The following CSMD1 variants were observed in gnomAD, a reference collection of about 807,000 sequenced individuals.
CSMD1 encodes the protein CUB and Sushi multiple domains 1, also known as CUB and sushi domain-containing protein 1.
CSMD1 carries 213 observed loss-of-function variants against 417.5 expected under a neutral mutation model. That is an observed-to-expected ratio of 0.51 (90% CI 0.46 to 0.57). The LOEUF is 0.57. CSMD1 is among the 20% of genes least tolerant of loss of function. CSMD1 has a pLI of 0.00. For missense variants in CSMD1, 6,923 were observed against 4,529.7 expected (o/e 1.53, Z -15.17); for synonymous variants, 2,862 against 1,736.8 (o/e 1.65, Z -16.11).
chr8:4,822,129 T>C (rs906177241), intron 1 of CSMD1, among the ~76,000 whole-genome samples: 2 of 152,144 alleles, frequency 1.3e-5, no homozygotes, highest in African/African-American at 4.8e-5. Context: ...TCTTCCCTTT[T>C]TGAAAGTTAA....
At chr8:3,839,675 A>G (rs1802988433) in intron 5 of CSMD1, among the ~76,000 whole-genome samples, 2 of 147,686 alleles carry the variant, frequency 1.4e-5, no homozygotes, top group South Asian at 4.2e-4. Context: ...AAAAGAATCT[A>G]TCTCCTTCAT....
chr8:3,846,503 T>C (rs965155393), intron 5 of CSMD1, among the ~76,000 whole-genome samples: 2 of 152,188 alleles, frequency 1.3e-5, no homozygotes, highest in African/African-American at 4.8e-5. Context: ...CAGATAAGCA[T>C]AGAAAGTATT....
At chr8:4,377,394 T>G (rs1802823443) in intron 3 of CSMD1, among the ~76,000 whole-genome samples, 1 of 152,204 alleles carries the variant, frequency 6.6e-6, no homozygotes, top group Non-Finnish European at 1.5e-5. Flanking sequence ...TCGTTATATC[T>G]AAACTACTTA....
intron 49 of CSMD1, 137 bp downstream of exon 49, chr8:3,086,960 A>G: frequency 3.7e-6 from 3 of 805,544 alleles, no homozygotes; most frequent in Non-Finnish European, 5.8e-6. Context: ...AGAAGGTTTA[A>G]TTCGTACTGT....
chr8:4,663,754 T>TGG (rs1334034424), intron 1 of CSMD1, among the ~76,000 whole-genome samples: 1 of 152,160 alleles, frequency 6.6e-6, no homozygotes, highest in African/African-American at 2.4e-5. Flanking sequence ...AGGTAGTTCT[T>TGG]TAAAGTAACG....
intron 2 of CSMD1, among the ~76,000 whole-genome samples, chr8:4,560,183 G>A (rs1233478180): frequency 6.6e-6 from 1 of 152,196 alleles, no homozygotes; most frequent in South Asian, 2.1e-4. Context: ...CACTTTCTCA[G>A]TTCCATGCTG....
chr8:4,787,563 C>T, intron 1 of CSMD1: 4 of 1,462,306 alleles, frequency 2.7e-6, no homozygotes, highest in Non-Finnish European at 3.8e-6. Context: ...TGTGGGGAGA[C>T]AGCTTTCATT....
chr8:4,812,124 C>T (rs1798943280), intron 1 of CSMD1, among the ~76,000 whole-genome samples: 1 of 152,186 alleles, frequency 6.6e-6, no homozygotes, highest in Admixed American at 6.5e-5. Context: ...GGAATGAGAA[C>T]ACAACCAATT....
rs543304247 is a variant in CSMD1 at position 4,333,672 on chromosome 8, C to G, written c.415+86281G>C. ...CTGAGAACACATCATTTTATAAGTGCTTTTCTACGATACCATTTAATGAGA... is the reference window on the plus strand; with the variant it reads ...CTGAGAACACATCATTTTATAAGTGGTTTTCTACGATACCATTTAATGAGA... On this transcript the variant is annotated intron_variant, in intron 3 of 69. Transcript: ENST00000635120. Among the ~76,000 whole-genome samples the G allele has an allele frequency of 9.9e-5, 15 of 152,186 alleles. No individual in the cohort carries two copies. The South Asian group carries it at 3.1e-3, about 32-fold the overall frequency.
At chr8:4,293,560 C>T (rs572893752) in intron 3 of CSMD1, among the ~76,000 whole-genome samples, 1 of 152,262 alleles carries the variant, frequency 6.6e-6, no homozygotes, top group South Asian at 2.1e-4. Flanking sequence ...TGTGCCTTAT[C>T]TTCCAAATTA....
intron 3 of CSMD1, among the ~76,000 whole-genome samples, chr8:4,245,777 T>C (rs560890186): frequency 1.4e-4 from 21 of 152,212 alleles, no homozygotes; most frequent in Non-Finnish European, 2.4e-4. Context: ...TGTTTTCATA[T>C]TTCCTATTTT....
intron 6 of CSMD1, among the ~76,000 whole-genome samples, chr8:3,738,554 C>T (rs115232814): frequency 3.4e-3 from 512 of 152,280 alleles, no homozygotes; most frequent in African/African-American, 0.012. Flanking sequence ...GAATGCCCTT[C>T]CCTTTTCAGG....
intron 39 of CSMD1, 38 bp downstream of exon 39, chr8:3,157,859 T>A: frequency 1.3e-6 from 2 of 1,494,338 alleles, no homozygotes; most frequent in Non-Finnish European, 1.8e-6. Flanking sequence ...CTTCCCAGTG[T>A]GTGCGCAGCA....
chr8:4,509,516 T>A (rs1458020239), intron 2 of CSMD1, among the ~76,000 whole-genome samples: 1 of 152,136 alleles, frequency 6.6e-6, no homozygotes, highest in Non-Finnish European at 1.5e-5. Context: ...GTCTGCTACC[T>A]CCTGTAATAG....
intron 12 of CSMD1, among the ~76,000 whole-genome samples, chr8:3,434,727 C>A (rs188361607): frequency 6.6e-6 from 1 of 152,286 alleles, no homozygotes; most frequent in East Asian, 1.9e-4. Flanking sequence ...AATAAAATCA[C>A]TAATTTAACA....
At chr8:2,960,312 T>C (rs982632411) in intron 62 of CSMD1, among the ~76,000 whole-genome samples, 7 of 152,234 alleles carry the variant, frequency 4.6e-5, no homozygotes, top group Non-Finnish European at 7.3e-5. Context: ...GCAAGAGAGC[T>C]ACAAGGAAAT....
At chr8:3,640,176 G>A (rs1797238075) in intron 7 of CSMD1, among the ~76,000 whole-genome samples, 1 of 152,174 alleles carries the variant, frequency 6.6e-6, no homozygotes, top group South Asian at 2.1e-4. Context: ...AATGCTTGAA[G>A]CTGGTGCAGG....
At chr8:4,366,333 G>C (rs143851860) in intron 3 of CSMD1, among the ~76,000 whole-genome samples, 5 of 152,002 alleles carry the variant, frequency 3.3e-5, no homozygotes, top group African/African-American at 9.7e-5. Context: ...TTCACCATTG[G>C]TGAACATCGT....
At chr8:4,001,147 T>C (rs529370725) in intron 4 of CSMD1, among the ~76,000 whole-genome samples, 13 of 152,106 alleles carry the variant, frequency 8.5e-5, no homozygotes, top group African/African-American at 3.1e-4. Context: ...AGCTTTGAAA[T>C]AGTCGTATTT....
Sources: gnomAD v4.1 joint callset for allele counts (sites outside exome capture counted in the v4.1 genomes callset) on GRCh38, gnomAD v4.1.1 for gene constraint, MANE v1.5 for transcripts, NCBI Gene and HGNC (gene_info 2026-07-23, HGNC 2026-07-21) for gene names.